DDX5: variants seen among roughly 807,000 people sequenced by gnomAD.
The protein encoded by DDX5 is DEAD-box helicase 5.
A neutral mutation model predicts 68.6 loss-of-function variants in DDX5; 6 were observed. That is an observed-to-expected ratio of 0.09 (90% CI 0.05 to 0.17). The LOEUF is 0.17. Among genes scored for constraint, DDX5 ranks in the 10% least tolerant of loss-of-function variants. DDX5 has a pLI of 1.00. For missense variants in DDX5, 499 were observed against 756.1 expected, an observed-to-expected ratio of 0.66 and a Z score of 3.99; for synonymous variants, 350 against 247.0, an observed-to-expected ratio of 1.42 and a Z score of -3.91.
At position 64,502,241 on chromosome 17, in the gene DDX5, T is replaced by C. The variant is rs781929574; in HGVS notation, c.1095-18A>G. On this transcript the variant is annotated intron_variant, in intron 9 of 12. Transcript: ENST00000225792. ...CAGGCCACCTAAGTTAAAAGACAAG[T>C]TGTGTTATTAAACTCACATTGAAAA... The C allele has an allele frequency of 1.1e-5, 18 of 1,613,398 alleles. No homozygotes were observed. The highest frequency in any genetic ancestry group is 1.3e-5 in the Non-Finnish European group (15 of 1,179,844).
At chr17:64,501,736 G>A (rs1294656560) in intron 11 of DDX5, 2 of 524,348 alleles carry the variant, frequency 3.8e-6, no homozygotes, top group Non-Finnish European at 3.4e-6. Context: ...ACAGTTTACG[G>A]GGCAGAGGTG....
chr17:64,502,571 G>A (rs1052254271), intron 8 of DDX5, 22 bp from the exon 9 acceptor site: 89 of 1,545,924 alleles, frequency 5.8e-5, no homozygotes, highest in Non-Finnish European at 7.9e-5. Flanking sequence ...AGAGAGAAAG[G>A]AAAAATCCTG....
intron 8 of DDX5, 127 bp from the exon 9 acceptor site, chr17:64,502,676 T>G: frequency 1.3e-6 from 1 of 765,892 alleles, no homozygotes; most frequent in Non-Finnish European, 2.1e-6. Context: ...AAACGCCTGC[T>G]AATCCACTTA....
Position 64,506,091 on chromosome 17 carries a change from C to T in DDX5, c.29G>A (p.Arg10His), listed in dbSNP as rs1249413951. The T allele has an allele frequency of 1.9e-6, 3 of 1,610,352 alleles. No individual in the cohort carries two copies. Among genetic ancestry groups the T allele is most frequent in the Non-Finnish European group, 1.7e-6 (2 of 1,178,808 alleles). MSGYSSDRD[R>H]GRDRGFGAPR... ...CCAAACTCACCCTCGGTCCCGGCCG[C>T]GGTCTCGGTCACTCGAATAACCCGA... The change falls in exon 1 of 13, where the codon CGC becomes CAC. Residue 10 changes from arginine to histidine, a missense_variant. This residue lies in a region of DDX5 where 140 missense variants were observed against 135.7 expected (regional missense o/e 1.03). Coordinates refer to ENST00000225792, the MANE Select transcript of DDX5 (RefSeq NM_004396.5).
chr17:64,502,173 C>G lies in DDX5; in HGVS notation c.1145G>C (p.Trp382Ser). 6.2e-7 allele frequency: 1 copy of G among 1,614,086 alleles called. No homozygotes were observed. Among genetic ancestry groups the G allele is most frequent in the Non-Finnish European group, 8.5e-7 (1 of 1,180,012 alleles). Residue 382 changes from tryptophan to serine, a missense_variant, in exon 10 of 13, where the codon TGG (tryptophan) becomes TCG (serine). Transcript: ENST00000225792. ...HGDKSQQERD[W>S]VLNEFKHGKA... Reference sequence around the variant, plus strand: ...TTTGAAATATTTACCATTTAGAACCCAGTCACGCTCTTGTTGACTCTTGTC... The same window carrying G: ...TTTGAAATATTTACCATTTAGAACCGAGTCACGCTCTTGTTGACTCTTGTC...
intron 9 of DDX5, 107 bp downstream of exon 9, chr17:64,502,332 G>C: frequency 4.1e-6 from 6 of 1,478,864 alleles, no homozygotes; most frequent in Non-Finnish European, 4.7e-6. Context: ...AAATGAAAAA[G>C]TTAAATTCAC....
At chr17:64,502,326 G>C (rs782283153) in intron 9 of DDX5, 103 bp from the exon 10 acceptor site, 4 of 1,477,684 alleles carry the variant, frequency 2.7e-6, no homozygotes, top group Non-Finnish European at 3.8e-6. Flanking sequence ...CGCCAGAAAT[G>C]AAAAAGTTAA....
chr17:64,504,437 T>G, intron 2 of DDX5, 119 bp from the exon 3 acceptor site: 1 of 996,500 alleles, frequency 1.0e-6, no homozygotes, highest in Non-Finnish European at 1.5e-6. Flanking sequence ...TTCATTTTAA[T>G]CTGGACCCAC....
upstream of DDX5, chr17:64,506,638 GGGGGAAGGC>G: frequency 2.7e-6 from 1 of 371,952 alleles, no homozygotes; most frequent in South Asian, 2.9e-5. Context: ...AACCAAAAGA[GGGGGAAGGC>G]GGGGCCTGGC....
intron 1 of DDX5, 63 bp from the exon 2 acceptor site, chr17:64,504,905 T>G: frequency 6.7e-7 from 1 of 1,491,316 alleles, no homozygotes; most frequent in South Asian, 1.3e-5. Context: ...CTGTATAGAT[T>G]TGTCATCCAT....
upstream of DDX5, chr17:64,506,852 C>T (rs1286596776): frequency 8.2e-6 from 5 of 609,256 alleles, no homozygotes; most frequent in Non-Finnish European, 1.5e-5. Flanking sequence ...GGGTTTTGGT[C>T]GGCGGAGAAT....
At position 64,503,854 on chromosome 17, in the gene DDX5, G is replaced by A. The variant is rs782816392; in HGVS notation, c.456C>T (p.Ala152=). 28 of 1,614,190 alleles carry A rather than the reference G, an allele frequency of 1.7e-5. No individual in the cohort carries two copies. The highest frequency in any genetic ancestry group is 3.3e-5 in the Admixed American group (2 of 60,032). ...SGKTLSYLLP[A]IVHINHQPFL... The stretch of plus-strand genomic sequence containing the variant: ...ATGGCTGATGATTGATGTGGACAAT[G>A]GCAGGAAGCAAATACTATTTAGGGT... Residue 152 remains alanine (A), a synonymous_variant, in exon 5 of 13, where the codon GCC becomes GCT. Coordinates refer to ENST00000225792, the MANE Select transcript of DDX5 (RefSeq NM_004396.5).
chr17:64,504,489 C>T, intron 2 of DDX5, 171 bp from the exon 3 acceptor site: 1 of 922,158 alleles, frequency 1.1e-6, no homozygotes, highest in Non-Finnish European at 1.6e-6. Context: ...TATTGTTATA[C>T]TCAACCTAAT....
chr17:64,500,222 T>C lies in DDX5; in HGVS notation c.1546A>G (p.Arg516Gly), dbSNP rs2038261644. 3.1e-6 allele frequency: 5 copies of C among 1,614,206 alleles called. No individual in the cohort carries two copies. Among genetic ancestry groups the C allele is most frequent in the Non-Finnish European group, 4.2e-6 (5 of 1,180,038 alleles). ...NTFRDRENYD[R>G]GYSSLLKRDF... ...CTTTTAAGCAGGCTAGAGTAACCTC[T>C]GTCATAATTTTCCCTGTCTCTAAAG... Residue 516 changes from arginine to glycine, a missense_variant, in exon 13 of 13, where the codon AGA becomes GGA. Arg to Gly is a moderately radical substitution (Grantham distance 125, BLOSUM62 -2). Transcript: ENST00000225792.
chr17:64,504,767 T>C lies in DDX5; in HGVS notation c.120A>G (p.Lys40=), dbSNP rs1294404064. 2 of 1,614,140 alleles carry C rather than the reference T, an allele frequency of 1.2e-6. No homozygotes were observed. Among genetic ancestry groups the C allele is most frequent in the Non-Finnish European group, 1.7e-6 (2 of 1,180,004 alleles). ...CAAGATTCCACTTCTTTTTAACTAATTTCTCCCCAGGGTTTCCAAACTTCT... is the reference window on the plus strand; with the variant it reads ...CAAGATTCCACTTCTTTTTAACTAACTTCTCCCCAGGGTTTCCAAACTTCT... The part of the protein sequence containing the change: ...SGKKFGNPGE[K]LVKKKWNLDE... The change falls in exon 2 of 13, where the codon AAA becomes AAG. Residue 40 remains lysine (K), a synonymous_variant. Transcript: ENST00000225792.
intron 12 of DDX5, 45 bp downstream of exon 12, chr17:64,500,504 C>A (rs560722289): frequency 1.3e-6 from 2 of 1,571,390 alleles, no homozygotes; most frequent in East Asian, 4.5e-5. Flanking sequence ...TTGTAGACAA[C>A]GATGTGACTC....
intron 9 of DDX5, 32 bp downstream of exon 9, chr17:64,502,403 TAATC>T: frequency 6.5e-7 from 1 of 1,532,176 alleles, no homozygotes; most frequent in Non-Finnish European, 9.0e-7. Flanking sequence ...TAAGCTGTTT[TAATC>T]AATCTGCTTC....
In DDX5 at chr17:64,498,555, A is replaced by G. The variant is rs1181582265; in HGVS notation, c.*1368T>C. ...GTTACTACAGGCTGAATTAGTTTTC[A>G]ATGTCTAAGTCCTAGAAATATCACT... is the stretch of plus-strand genomic sequence containing the variant. On this transcript the variant is annotated 3_prime_UTR_variant, in exon 13 of 13. Coordinates refer to ENST00000225792, the MANE Select transcript of DDX5 (RefSeq NM_004396.5). 6.6e-6 allele frequency among the ~76,000 whole-genome samples: 1 copy of G among 152,248 alleles called. No individual in the cohort carries two copies. Among genetic ancestry groups the G allele is most frequent in the African/African-American group, 2.4e-5 (1 of 41,464 alleles).
At chr17:64,501,037 A>G (rs138891112) in intron 11 of DDX5, 3 of 516,964 alleles carry the variant, frequency 5.8e-6, no homozygotes, top group Admixed American at 7.1e-5. Context: ...GCACATTCCC[A>G]AATCAGCAAG....
Sources: gnomAD v4.1 joint callset for allele counts (sites outside exome capture counted in the v4.1 genomes callset) on GRCh38, gnomAD v4.1.1 for gene constraint, gnomAD v4.1.1 regional missense constraint, MANE v1.5 for transcripts, NCBI Gene and HGNC (gene_info 2026-07-23, HGNC 2026-07-21) for gene names.